The following RFX3 variants were observed in gnomAD, a reference collection of about 807,000 sequenced individuals.
The protein encoded by RFX3 is regulatory factor X3.
In RFX3, 14 loss-of-function variants were observed where a neutral mutation model predicts 98.6. The observed-to-expected ratio is 0.14, with a 90% CI of 0.09 to 0.22. The LOEUF is 0.22. Among genes scored for constraint, RFX3 ranks in the 10% least tolerant of loss-of-function variants. RFX3 has a pLI of 1.00. For synonymous variants in RFX3, 383 were observed against 328.4 expected, an observed-to-expected ratio of 1.17 and a Z score of -1.80; for missense variants, 639 against 926.9, an observed-to-expected ratio of 0.69 and a Z score of 4.03.
intron 4 of RFX3, among the ~76,000 whole-genome samples, chr9:3,329,539 C>T (rs370773641): frequency 6.6e-6 from 1 of 151,340 alleles, no homozygotes; most frequent in African/African-American, 2.4e-5. Context: ...AGAGCCAACA[C>T]AAATATTTTT....
chr9:3,268,062 C>T (rs1276198287), intron 11 of RFX3, among the ~76,000 whole-genome samples: 1 of 151,694 alleles, frequency 6.6e-6, no homozygotes, highest in African/African-American at 2.4e-5. Flanking sequence ...TTTACTTTTT[C>T]TACTAAATGA....
intron 4 of RFX3, among the ~76,000 whole-genome samples, chr9:3,321,954 G>T (rs1831371536): frequency 6.6e-6 from 1 of 151,900 alleles, no homozygotes; most frequent in South Asian, 2.1e-4. Context: ...GCATGCATTT[G>T]GCCTACTTGG....
chr9:3,436,179 T>C (rs778641196), intron 1 of RFX3, among the ~76,000 whole-genome samples: 14 of 152,096 alleles, frequency 9.2e-5, no homozygotes, highest in African/African-American at 2.9e-4. Flanking sequence ...GCTTTACCTA[T>C]GGCAAATTAC....
At chr9:3,429,772 A>G (rs1442185536) in intron 1 of RFX3, among the ~76,000 whole-genome samples, 1 of 152,220 alleles carries the variant, frequency 6.6e-6, no homozygotes, top group Non-Finnish European at 1.5e-5. Context: ...TAGCAGATGT[A>G]TCTTAGCGGC....
At chr9:3,524,463 A>G (rs1377598458) in intron 1 of RFX3, 2 of 946,108 alleles carry the variant, frequency 2.1e-6, no homozygotes, top group Non-Finnish European at 2.5e-6. Context: ...ACCAGAAAGA[A>G]AGTGAAATAT....
intron 2 of RFX3, among the ~76,000 whole-genome samples, chr9:3,355,392 G>A (rs1048721318): frequency 1.3e-5 from 2 of 151,606 alleles, no homozygotes; most frequent in African/African-American, 2.4e-5. Flanking sequence ...CCAATTATAA[G>A]AAAAAATGGA....
chr9:3,277,308 T>G (rs920462559), intron 8 of RFX3, 32 bp downstream of exon 8: 1 of 1,603,812 alleles, frequency 6.2e-7, no homozygotes, highest in African/African-American at 1.3e-5. Context: ...AAAATCCTAG[T>G]AGCAACTAAT....
chr9:3,275,515 A>G lies in RFX3; in HGVS notation c.1071T>C (p.Tyr357=), dbSNP rs976615320. Reference sequence around the variant, plus strand: ...AAAGACTTACCTCACAGTGCTCTCTATAAAGACTCTGCAGTGACTTGATAT... The same window carrying G: ...AAAGACTTACCTCACAGTGCTCTCTGTAAAGACTCTGCAGTGACTTGATAT... The part of the protein sequence containing the change: ...FEDIKSLQSL[Y]REHCEAILDV... The change falls in exon 9 of 17, where the codon TAT becomes TAC. Residue 357 remains tyrosine, a synonymous_variant. Coordinates refer to ENST00000617270, the MANE Select transcript of RFX3 (RefSeq NM_001282116.2). 7 of 1,600,068 alleles carry G rather than the reference A, an allele frequency of 4.4e-6. No homozygotes were observed. The highest frequency in any genetic ancestry group is 5.1e-6 in the Non-Finnish European group (6 of 1,167,490).
At chr9:3,373,538 T>G (rs1422339060) in intron 2 of RFX3, among the ~76,000 whole-genome samples, 3 of 152,160 alleles carry the variant, frequency 2.0e-5, no homozygotes, top group Admixed American at 2.0e-4. Context: ...TGGGCCTCAG[T>G]TTCCTCAGCC....
chr9:3,513,726 C>T (rs770873803), intron 1 of RFX3, among the ~76,000 whole-genome samples: 1 of 152,180 alleles, frequency 6.6e-6, no homozygotes, highest in Non-Finnish European at 1.5e-5. Context: ...TATCTCCAGT[C>T]CATAGTCATT....
At chr9:3,306,100 A>C (rs1054334496) in intron 4 of RFX3, among the ~76,000 whole-genome samples, 1 of 152,114 alleles carries the variant, frequency 6.6e-6, no homozygotes, top group African/African-American at 2.4e-5. Flanking sequence ...GTCATATTTA[A>C]GGTAGGAAAT....
At chr9:3,271,520 CCCTT>C (rs1235783238) in intron 9 of RFX3, among the ~76,000 whole-genome samples, 2 of 140,196 alleles carry the variant, frequency 1.4e-5, no homozygotes, top group Admixed American at 7.3e-5. Flanking sequence ...TTCCCTCCCT[CCCTT>C]CTTTCTTTCT....
chr9:3,343,559 G>A lies in RFX3; in HGVS notation c.215+3108C>T, dbSNP rs530524796. On this transcript the variant is annotated intron_variant, in intron 3 of 16. Transcript: ENST00000617270. ...TGTCAGCACTACAAAATTACAGAAAGACCAAAATAGCTTATGCTGAAAAAA... is the reference window on the plus strand; with the variant it reads ...TGTCAGCACTACAAAATTACAGAAAAACCAAAATAGCTTATGCTGAAAAAA... Among the ~76,000 whole-genome samples, 6 of 152,202 alleles carry A rather than the reference G, an allele frequency of 3.9e-5. No homozygotes were observed. The South Asian group carries it at 1.2e-3, about 32-fold the overall frequency.
At chr9:3,232,267 T>C (rs1818571302) in intron 15 of RFX3, among the ~76,000 whole-genome samples, 1 of 152,224 alleles carries the variant, frequency 6.6e-6, no homozygotes, top group Admixed American at 6.5e-5. Flanking sequence ...TTACCACTTA[T>C]AAGGTGTGTC....
At position 3,473,354 on chromosome 9, in the gene RFX3, T is replaced by C. The variant is rs950361797; in HGVS notation, c.-9+52393A>G. 2.6e-5 allele frequency among the ~76,000 whole-genome samples: 4 copies of C among 152,162 alleles called. No individual in the cohort carries two copies. The East Asian group carries it at 7.7e-4, about 29-fold the overall frequency. ...ACTGGGTTCTCTTATTTCTCCACAA[T>C]ACTGAACTGAGAGATCTGAAAATCA... On this transcript the variant is annotated intron_variant, in intron 1 of 16. Coordinates refer to ENST00000617270, the MANE Select transcript of RFX3 (RefSeq NM_001282116.2).
chr9:3,328,911 A>T (rs1832250438), intron 4 of RFX3, among the ~76,000 whole-genome samples: 1 of 152,190 alleles, frequency 6.6e-6, no homozygotes, highest in South Asian at 2.1e-4. Context: ...ACATCTCCTT[A>T]ATTCAAATCC....
chr9:3,383,545 C>CA (rs201892204), intron 2 of RFX3, among the ~76,000 whole-genome samples: 7,926 of 137,814 alleles, frequency 0.058, 518 homozygotes, highest in African/African-American at 0.16. Context: ...GACTCTTGGC[C>CA]AAAAAAAAAA....
chr9:3,501,199 A>G (rs1815962887), intron 1 of RFX3, among the ~76,000 whole-genome samples: 1 of 152,302 alleles, frequency 6.6e-6, no homozygotes, highest in African/African-American at 2.4e-5. Context: ...CATTTGCTTC[A>G]TCTCCATTTA....
chr9:3,274,175 C>T (rs776654979), intron 9 of RFX3, among the ~76,000 whole-genome samples: 1 of 152,030 alleles, frequency 6.6e-6, no homozygotes, highest in African/African-American at 2.4e-5. Context: ...GAGAACCTGC[C>T]CTTGGTGGTT....
Sources: allele counts gnomAD v4.1 joint callset (sites outside exome capture counted in the v4.1 genomes callset), GRCh38; gene constraint gnomAD v4.1.1; transcripts MANE v1.5; gene names NCBI Gene and HGNC (gene_info 2026-07-23, HGNC 2026-07-21).